Variants in LAPTM4B observed in about 807,000 individuals in gnomAD.
LAPTM4B encodes the protein lysosomal protein transmembrane 4 beta, also known as lysosomal-associated transmembrane protein 4B.
LAPTM4B carries 26 observed loss-of-function variants against 28.5 expected under a neutral mutation model. The ratio of observed to expected loss-of-function variants is 0.91; its 90% confidence interval spans 0.67 to 1.27. The LOEUF is 1.27. LAPTM4B is among the 50% of genes most tolerant of loss of function. The pLI, the probability that LAPTM4B is intolerant of heterozygous loss-of-function variation, is 0.00. For synonymous variants in LAPTM4B, 109 were observed against 106.4 expected, an observed-to-expected ratio of 1.02 and a Z score of -0.15; for missense variants, 288 against 285.8, an observed-to-expected ratio of 1.01 and a Z score of -0.06.
intron 5 of LAPTM4B, among the ~76,000 whole-genome samples, chr8:97,822,621 A>G (rs1253218368): frequency 4.0e-5 from 6 of 151,576 alleles, no homozygotes; most frequent in Non-Finnish European, 5.9e-5. Flanking sequence ...AATTAGCAAA[A>G]CCATAGCAGA....
At chr8:97,837,453 G>A (rs974499642) in intron 6 of LAPTM4B, among the ~76,000 whole-genome samples, 4 of 151,822 alleles carry the variant, frequency 2.6e-5, no homozygotes, top group South Asian at 2.1e-4. Flanking sequence ...TTGGCCACCC[G>A]AAGTGCTCCT....
At chr8:97,847,861 G>A (rs1454543863) in intron 6 of LAPTM4B, among the ~76,000 whole-genome samples, 1 of 152,210 alleles carries the variant, frequency 6.6e-6, no homozygotes, top group African/African-American at 2.4e-5. Context: ...GTGAAAACAA[G>A]GGAGGGTGTC....
rs568689174 is a variant in LAPTM4B at position 97,816,265 on chromosome 8, A to G, written c.408+85A>G. 8 of 1,268,246 alleles carry G rather than the reference A, an allele frequency of 6.3e-6. No homozygotes were observed. The East Asian group carries it at 2.1e-4, about 33-fold the overall frequency. 78.6% of individuals were successfully genotyped at this position (1,268,246 alleles called of 1,614,324 possible). A position where few individuals can be genotyped will look rare whatever the true frequency, so the allele number is the denominator to read the frequency against. On this transcript the variant is annotated intron_variant, in intron 4 of 6. Coordinates refer to ENST00000521545, the MANE Select transcript of LAPTM4B (RefSeq NM_018407.6). ...GTAAGGGATGTGTAGAGATACACAGACATTAATTTCAGGATTTTTAGCTTG... is the reference window on the plus strand; with the variant it reads ...GTAAGGGATGTGTAGAGATACACAGGCATTAATTTCAGGATTTTTAGCTTG...
intron 6 of LAPTM4B, among the ~76,000 whole-genome samples, chr8:97,850,111 G>T (rs548624561): frequency 6.6e-6 from 1 of 151,798 alleles, no homozygotes; most frequent in Non-Finnish European, 1.5e-5. Context: ...CCTGAGTGCC[G>T]TACTTCAATC....
intron 1 of LAPTM4B, among the ~76,000 whole-genome samples, chr8:97,791,455 CTTT>C (rs1563603140): frequency 6.6e-6 from 1 of 152,154 alleles, no homozygotes; most frequent in African/African-American, 2.4e-5. Flanking sequence ...ACCCTGTGTT[CTTT>C]GAGTACGTAA....
At chr8:97,776,284 T>C (rs779299863) in intron 1 of LAPTM4B, among the ~76,000 whole-genome samples, 176 bp downstream of exon 1, 2 of 149,968 alleles carry the variant, frequency 1.3e-5, no homozygotes, top group Admixed American at 6.6e-5. Flanking sequence ...CAGCGCCGAC[T>C]GGGGGAGGCC....
At chr8:97,801,797 T>G (rs1816686977) in intron 1 of LAPTM4B, among the ~76,000 whole-genome samples, 1 of 148,818 alleles carries the variant, frequency 6.7e-6, no homozygotes, top group Admixed American at 6.8e-5. Flanking sequence ...TGAGCCGAGC[T>G]TGCGCCACTG....
intron 5 of LAPTM4B, among the ~76,000 whole-genome samples, chr8:97,823,356 G>GTTTTTTT (rs72472850): frequency 2.3e-5 from 3 of 131,104 alleles, no homozygotes; most frequent in African/African-American, 8.9e-5. Flanking sequence ...TTTTTTTTTT[G>GTTTTTTT]TTTTTTTTTT....
At chr8:97,784,822 C>T (rs1366637588) in intron 1 of LAPTM4B, among the ~76,000 whole-genome samples, 3 of 152,142 alleles carry the variant, frequency 2.0e-5, no homozygotes, top group Non-Finnish European at 4.4e-5. Context: ...ATATAGCTCT[C>T]TAGATACAAA....
intron 2 of LAPTM4B, among the ~76,000 whole-genome samples, chr8:97,812,243 G>A (rs1362367413): frequency 4.4e-5 from 5 of 113,648 alleles, no homozygotes; most frequent in Admixed American, 1.1e-4. Flanking sequence ...TTTTTGAGTC[G>A]GAGTCTGACT....
intron 6 of LAPTM4B, among the ~76,000 whole-genome samples, chr8:97,827,106 T>G (rs973300655): frequency 2.0e-5 from 3 of 152,194 alleles, no homozygotes. Context: ...TATGGTGGTG[T>G]TATGAAAGAG....
At chr8:97,815,453 T>C in intron 3 of LAPTM4B, 52 bp downstream of exon 3, 1 of 1,206,728 alleles carries the variant, frequency 8.3e-7, no homozygotes, top group Non-Finnish European at 1.2e-6. Flanking sequence ...CTTACATGTG[T>C]AATCTGTGCT....
chr8:97,789,823 C>G lies in LAPTM4B; in HGVS notation c.99+13715C>G, dbSNP rs1346759178. On this transcript the variant is annotated intron_variant, in intron 1 of 6. Transcript: ENST00000521545. ...GGCATGAGCCACCTTGCCCGGCCCT[C>G]TTTCCACCTTTTTGTACCCATTAAC... is the stretch of plus-strand genomic sequence containing the variant. Among the ~76,000 whole-genome samples the G allele has an allele frequency of 5.3e-5, 8 of 152,166 alleles. No homozygotes were observed. The East Asian group carries it at 1.5e-3, about 29-fold the overall frequency.
rs1160907221 is a variant in LAPTM4B at position 97,815,756 on chromosome 8, C to T, written c.286-302C>T. On this transcript the variant is annotated intron_variant, in intron 3 of 6. Coordinates refer to ENST00000521545, the MANE Select transcript of LAPTM4B (RefSeq NM_018407.6). Reference sequence around the variant, plus strand: ...TGATTTTTGTATTTTTTAGTAGAGACGTGATTTCACCATGTTGGGCAGGCT... The same window carrying T: ...TGATTTTTGTATTTTTTAGTAGAGATGTGATTTCACCATGTTGGGCAGGCT... 5.9e-5 allele frequency among the ~76,000 whole-genome samples: 9 copies of T among 152,004 alleles called. No homozygotes were observed. In the South Asian group the frequency reaches 6.3e-4, roughly 11 times the overall value.
intron 5 of LAPTM4B, among the ~76,000 whole-genome samples, chr8:97,824,081 A>C (rs1276626570): frequency 6.6e-6 from 1 of 152,086 alleles, no homozygotes; most frequent in African/African-American, 2.4e-5. Context: ...CAGTTGAGGG[A>C]CATTTGGGTT....
At chr8:97,788,508 A>C (rs1354960939) in intron 1 of LAPTM4B, among the ~76,000 whole-genome samples, 1 of 152,126 alleles carries the variant, frequency 6.6e-6, no homozygotes, top group African/African-American at 2.4e-5. Context: ...TTGGCCTCCC[A>C]GAAGTGCTGA....
chr8:97,848,412 T>G lies in LAPTM4B; in HGVS notation c.604-2985T>G, dbSNP rs182901018. 2.4e-3 allele frequency among the ~76,000 whole-genome samples: 364 copies of G among 152,148 alleles called. 1 individual carries two copies. Among genetic ancestry groups the G allele is most frequent in the African/African-American group, 8.2e-3 (338 of 41,426 alleles). On this transcript the variant is annotated intron_variant, in intron 6 of 6. Coordinates refer to ENST00000521545, the MANE Select transcript of LAPTM4B (RefSeq NM_018407.6). Reference sequence around the variant, plus strand: ...GGCAGATTTGCAGCACCATTTTTTTTTTCAAGAATATCTTATGTTAATCTT... The same window carrying G: ...GGCAGATTTGCAGCACCATTTTTTTGTTCAAGAATATCTTATGTTAATCTT...
chr8:97,777,648 T>C (rs1017868080), intron 1 of LAPTM4B, among the ~76,000 whole-genome samples: 1 of 152,236 alleles, frequency 6.6e-6, no homozygotes, highest in African/African-American at 2.4e-5. Flanking sequence ...TCAGTGCCTA[T>C]CATGGCCACA....
At chr8:97,796,059 C>T (rs777047293) in intron 1 of LAPTM4B, among the ~76,000 whole-genome samples, 3 of 3,426 alleles carry the variant, frequency 8.8e-4, no homozygotes. Flanking sequence ...CTTGCCTTGG[C>T]CCCCCCAGTA....
Sources: allele counts gnomAD v4.1 joint callset (sites outside exome capture counted in the v4.1 genomes callset), GRCh38; gene constraint gnomAD v4.1.1; transcripts MANE v1.5; gene names NCBI Gene and HGNC (gene_info 2026-07-23, HGNC 2026-07-21).